RBFOX1: variants seen among roughly 807,000 people sequenced by gnomAD.
RBFOX1 encodes the protein RNA binding protein fox-1 homolog 1.
A neutral mutation model predicts 57.7 loss-of-function variants in RBFOX1; 8 were observed. That is an observed-to-expected ratio of 0.14 (90% CI 0.08 to 0.25). The LOEUF is 0.25. Ranked by LOEUF, RBFOX1 falls within the 10% of genes least tolerant of loss-of-function variation. The pLI is 1.00. For missense variants in RBFOX1, 611 were observed against 548.5 expected (o/e 1.11, Z -1.14); for synonymous variants, 326 against 222.4 (o/e 1.47, Z -4.15).
intron 6 of RBFOX1, among the ~76,000 whole-genome samples, chr16:7,582,118 C>A (rs1159358169): frequency 1.3e-5 from 2 of 151,698 alleles, no homozygotes; most frequent in Non-Finnish European, 2.9e-5. Flanking sequence ...CAACCTTTCT[C>A]CTGGGTTCAA....
chr16:7,335,895 A>G (rs1286821944), intron 4 of RBFOX1, among the ~76,000 whole-genome samples: 1 of 152,240 alleles, frequency 6.6e-6, no homozygotes, highest in Non-Finnish European at 1.5e-5. Flanking sequence ...AGAGAATGAC[A>G]GAATGACTAT....
At chr16:7,423,969 A>C (rs992889453) in intron 4 of RBFOX1, among the ~76,000 whole-genome samples, 1 of 152,200 alleles carries the variant, frequency 6.6e-6, no homozygotes. Flanking sequence ...TGAAGCATCC[A>C]AAAGCTAATA....
chr16:6,815,502 A>G (rs1050395979), intron 3 of RBFOX1, among the ~76,000 whole-genome samples: 10 of 152,108 alleles, frequency 6.6e-5, no homozygotes, highest in Non-Finnish European at 7.4e-5. Flanking sequence ...ATATGATTAT[A>G]TTTCTAAATT....
At chr16:5,653,549 G>C (rs978208309) in intron 3 of RBFOX1, among the ~76,000 whole-genome samples, 1 of 152,144 alleles carries the variant, frequency 6.6e-6, no homozygotes. Context: ...AGAAGGTGGG[G>C]TGCTGAGCCG....
At chr16:5,400,389 G>A (rs1314504226) in intron 1 of RBFOX1, among the ~76,000 whole-genome samples, 3 of 151,964 alleles carry the variant, frequency 2.0e-5, no homozygotes, top group African/African-American at 7.2e-5. Context: ...CACCACACCC[G>A]GCCACTGCTT....
intron 4 of RBFOX1, among the ~76,000 whole-genome samples, chr16:7,392,733 T>G (rs1252953915): frequency 6.6e-6 from 1 of 152,146 alleles, no homozygotes; most frequent in Non-Finnish European, 1.5e-5. Flanking sequence ...TCAGGAGTGG[T>G]TTTGGCTATT....
chr16:6,637,736 G>C (rs757276365), intron 2 of RBFOX1, among the ~76,000 whole-genome samples: 17 of 151,652 alleles, frequency 1.1e-4, no homozygotes, highest in South Asian at 4.2e-4. Context: ...GAAGAATATT[G>C]TAATACATCT....
intron 1 of RBFOX1, among the ~76,000 whole-genome samples, chr16:5,267,912 C>T (rs1475398412): frequency 1.3e-5 from 2 of 152,040 alleles, no homozygotes; most frequent in South Asian, 2.1e-4. Context: ...TGAAACATCT[C>T]TACTAAAAAT....
intron 3 of RBFOX1, among the ~76,000 whole-genome samples, chr16:5,818,076 T>C (rs539414949): frequency 6.6e-6 from 1 of 152,258 alleles, no homozygotes; most frequent in African/African-American, 2.4e-5. Flanking sequence ...GACAGGTAAA[T>C]AAAGATATTC....
intron 1 of RBFOX1, among the ~76,000 whole-genome samples, chr16:6,132,536 A>G (rs2096636854): frequency 6.6e-6 from 1 of 152,190 alleles, no homozygotes; most frequent in Admixed American, 6.5e-5. Flanking sequence ...TTTCCTGACC[A>G]GTACGGTACC....
intron 1 of RBFOX1, among the ~76,000 whole-genome samples, chr16:6,103,187 G>C (rs1487330592): frequency 6.6e-6 from 1 of 152,198 alleles, no homozygotes; most frequent in South Asian, 2.1e-4. Flanking sequence ...AAGTCATGCA[G>C]CCTAAGAATG....
chr16:7,395,261 T>C (rs535560193), intron 4 of RBFOX1, among the ~76,000 whole-genome samples: 2 of 152,290 alleles, frequency 1.3e-5, no homozygotes, highest in South Asian at 4.1e-4. Context: ...ATTGCTCTTT[T>C]TACTGGGAGC....
chr16:6,605,039 T>G (rs754376751), intron 2 of RBFOX1, among the ~76,000 whole-genome samples: 5 of 151,940 alleles, frequency 3.3e-5, no homozygotes, highest in Non-Finnish European at 7.4e-5. Context: ...TATATAAAAA[T>G]ATATAAACAC....
At chr16:6,152,915 G>C (rs901869370) in intron 1 of RBFOX1, among the ~76,000 whole-genome samples, 1 of 152,138 alleles carries the variant, frequency 6.6e-6, no homozygotes, top group Admixed American at 6.6e-5. Flanking sequence ...GAAATAAGTC[G>C]ATGGTTTTAA....
At chr16:6,603,303 T>C (rs1216773668) in intron 2 of RBFOX1, among the ~76,000 whole-genome samples, 2 of 152,168 alleles carry the variant, frequency 1.3e-5, no homozygotes, top group Non-Finnish European at 2.9e-5. Flanking sequence ...GCTTCTGATT[T>C]TTTCAAGAGA....
At chr16:5,924,197 G>T (rs1273673042) in intron 4 of RBFOX1, among the ~76,000 whole-genome samples, 1 of 152,096 alleles carries the variant, frequency 6.6e-6, no homozygotes, top group Non-Finnish European at 1.5e-5. Flanking sequence ...GGCCTCCCCA[G>T]CCATGTGGAA....
intron 2 of RBFOX1, among the ~76,000 whole-genome samples, chr16:6,557,972 C>T (rs1048060576): frequency 2.0e-5 from 3 of 152,182 alleles, no homozygotes; most frequent in African/African-American, 4.8e-5. Context: ...GCCACAACCT[C>T]ATTTTTGCTC....
At chr16:6,492,686 C>A (rs537664834) in intron 2 of RBFOX1, among the ~76,000 whole-genome samples, 1 of 152,266 alleles carries the variant, frequency 6.6e-6, no homozygotes, top group Admixed American at 6.5e-5. Context: ...GGTTCACTGC[C>A]GCATTGTGAA....
chr16:7,395,045 G>T (rs961073272), intron 4 of RBFOX1, among the ~76,000 whole-genome samples: 1 of 152,132 alleles, frequency 6.6e-6, no homozygotes, highest in African/African-American at 2.4e-5. Context: ...TAAGTTTGCC[G>T]CAGACTAGGG....
Sources: allele counts gnomAD v4.1 joint callset (sites outside exome capture counted in the v4.1 genomes callset), GRCh38; gene constraint gnomAD v4.1.1; transcripts MANE v1.5; gene names NCBI Gene and HGNC (gene_info 2026-07-23, HGNC 2026-07-21).